Variants in GRM5 observed in about 807,000 individuals in gnomAD.
The protein encoded by GRM5 is metabotropic glutamate receptor 5.
In GRM5, 19 loss-of-function variants were observed where a neutral mutation model predicts 83.1. The ratio of observed to expected loss-of-function variants is 0.23; its 90% CI spans 0.16 to 0.34. The LOEUF is 0.34. Ranked by LOEUF, GRM5 falls within the 10% of genes least tolerant of loss-of-function variation. GRM5 has a pLI of 1.00. For missense variants in GRM5, 1,160 were observed against 1,588.3 expected (o/e 0.73, Z 4.58); for synonymous variants, 675 against 633.6 (o/e 1.07, Z -0.98).
At chr11:89,009,773 C>T (rs1283528855) in intron 2 of GRM5, among the ~76,000 whole-genome samples, 1 of 150,270 alleles carries the variant, frequency 6.7e-6, no homozygotes, top group Admixed American at 6.6e-5. Context: ...TGGTAGCGGG[C>T]GCCTGTAGTC....
chr11:89,029,115 CT>C (rs1941199338), intron 2 of GRM5, among the ~76,000 whole-genome samples: 1 of 152,148 alleles, frequency 6.6e-6, no homozygotes, highest in South Asian at 2.1e-4. Context: ...GTGAACTCAT[CT>C]TTTTTATGCC....
At chr11:88,701,857 G>GCGTGACCTGTAGGGTTA (rs1194485105) in intron 3 of GRM5, among the ~76,000 whole-genome samples, 1 of 152,094 alleles carries the variant, frequency 6.6e-6, no homozygotes, top group African/African-American at 2.4e-5. Context: ...TACTGGGTCA[G>GCGTGACCTGTAGGGTTA]CGTGACCTGT....
chr11:88,890,805 C>G (rs1005517186), intron 2 of GRM5, among the ~76,000 whole-genome samples: 1 of 152,094 alleles, frequency 6.6e-6, no homozygotes, highest in African/African-American at 2.4e-5. Context: ...AAATTGCTTA[C>G]TAACCAGGTT....
chr11:88,913,513 T>C lies in GRM5; in HGVS notation c.662-63358A>G, dbSNP rs1483010730. 2.6e-5 allele frequency among the ~76,000 whole-genome samples: 4 copies of C among 151,872 alleles called. No homozygotes were observed. In the East Asian group the frequency reaches 5.8e-4, roughly 22 times the overall value. On this transcript the variant is annotated intron_variant, in intron 2 of 9. Transcript: ENST00000305447. ...CTCTGTGGTAAAAACTGCATCCCTCTCTGATGAGAATTCCTACTGGTTGGT... is the reference window on the plus strand; with the variant it reads ...CTCTGTGGTAAAAACTGCATCCCTCCCTGATGAGAATTCCTACTGGTTGGT...
intron 2 of GRM5, among the ~76,000 whole-genome samples, chr11:88,910,028 C>T: frequency 6.6e-6 from 1 of 152,162 alleles, no homozygotes. Flanking sequence ...TCCAAAATCA[C>T]TTCACCTCAG....
chr11:88,513,384 G>T (rs930831187), intron 9 of GRM5, among the ~76,000 whole-genome samples: 3 of 152,084 alleles, frequency 2.0e-5, no homozygotes, highest in Admixed American at 6.6e-5. Flanking sequence ...ATACTGAATT[G>T]TTTTCCTGTT....
intron 9 of GRM5, 62 bp downstream of exon 9, chr11:88,525,247 A>G (rs1381097208): frequency 1.1e-5 from 10 of 945,840 alleles, no homozygotes; most frequent in South Asian, 2.8e-5. Flanking sequence ...AGGGAGCCAC[A>G]TGTTCCTCTA....
chr11:88,713,296 A>G (rs1941322932), intron 3 of GRM5, among the ~76,000 whole-genome samples: 1 of 152,102 alleles, frequency 6.6e-6, no homozygotes. Context: ...CAGTGCAGAT[A>G]TAGAGTAAGA....
intron 3 of GRM5, among the ~76,000 whole-genome samples, chr11:88,804,066 G>A (rs1262594867): frequency 2.6e-5 from 4 of 152,058 alleles, no homozygotes; most frequent in Non-Finnish European, 5.9e-5. Context: ...GGAGAAATAG[G>A]AACACTTTTA....
At chr11:88,572,330 A>G (rs12278362) in intron 7 of GRM5, among the ~76,000 whole-genome samples, 8,073 of 152,254 alleles carry the variant, frequency 0.053, 683 homozygotes, top group African/African-American at 0.18. Flanking sequence ...AATATGTCAG[A>G]GAAGATGTAA....
At chr11:88,801,121 G>T (rs139548289) in intron 3 of GRM5, among the ~76,000 whole-genome samples, 1 of 152,088 alleles carries the variant, frequency 6.6e-6, no homozygotes, top group Non-Finnish European at 1.5e-5. Context: ...TTTGAGTGAT[G>T]CATCCACAGA....
chr11:88,906,602 T>C (rs533819352), intron 2 of GRM5, among the ~76,000 whole-genome samples: 41 of 152,308 alleles, frequency 2.7e-4, no homozygotes, highest in Admixed American at 1.9e-3. Flanking sequence ...GGAAAATACA[T>C]ATATGTCAAA....
chr11:88,766,089 A>G (rs1050686369), intron 3 of GRM5, among the ~76,000 whole-genome samples: 17 of 151,980 alleles, frequency 1.1e-4, no homozygotes, highest in Non-Finnish European at 2.2e-4. Context: ...AAAGATGCTC[A>G]TGGATAGGAA....
In GRM5 at chr11:89,060,842, T is replaced by A. The variant is rs182704284; in HGVS notation, c.-201+4934A>T. On this transcript the variant is annotated intron_variant, in intron 1 of 9. Coordinates refer to ENST00000305447, the MANE Select transcript of GRM5 (RefSeq NM_001143831.3). Reference sequence around the variant, plus strand: ...GAAAATTCAAAACTAAAAATTGAAGTTTCTTTTCTTGGGTTATATAAATAC... The same window carrying A: ...GAAAATTCAAAACTAAAAATTGAAGATTCTTTTCTTGGGTTATATAAATAC... 4.6e-5 allele frequency among the ~76,000 whole-genome samples: 7 copies of A among 152,270 alleles called. No individual in the cohort carries two copies. The East Asian group carries it at 1.3e-3, about 29-fold the overall frequency.
At chr11:88,934,936 G>A (rs189112102) in intron 2 of GRM5, among the ~76,000 whole-genome samples, 108 of 151,948 alleles carry the variant, frequency 7.1e-4, no homozygotes, top group African/African-American at 2.4e-3. Flanking sequence ...TAAAGCTTTC[G>A]TGAAGCAACA....
chr11:88,781,433 T>C (rs1403752018), intron 3 of GRM5, among the ~76,000 whole-genome samples: 1 of 152,128 alleles, frequency 6.6e-6, no homozygotes, highest in East Asian at 1.9e-4. Flanking sequence ...TGTTCAAAGA[T>C]ATATTCAGGA....
rs116919540 is a variant in GRM5 at position 88,650,489 on chromosome 11, G to A, written c.1147+2679C>T. Among the ~76,000 whole-genome samples, 1,058 of 151,968 alleles carry A rather than the reference G, an allele frequency of 7.0e-3. 12 individuals are homozygous for A. The highest frequency in any genetic ancestry group is 0.065 in the East Asian group (336 of 5,172). ...CATGAAAAAGCCAATTGAAATCACC[G>A]TATGATAGAACTACACACTCACAGA... On this transcript the variant is annotated intron_variant, in intron 4 of 9. Coordinates refer to ENST00000305447, the MANE Select transcript of GRM5 (RefSeq NM_001143831.3).
At chr11:88,797,470 T>TA (rs1028246322) in intron 3 of GRM5, among the ~76,000 whole-genome samples, 7 of 152,132 alleles carry the variant, frequency 4.6e-5, no homozygotes, top group African/African-American at 1.7e-4. Flanking sequence ...TAAACCCACT[T>TA]AAAAAAATCC....
In GRM5 at chr11:88,541,721, AATTTACAGGATT is replaced by A. The variant is rs1478649711; in HGVS notation, c.2631-16329_2631-16318del. The stretch of plus-strand genomic sequence containing the variant: ...TCGCATAATGGAAGAAATACCATGT[AATTTACAGGATT>A]GATGTTTTATGTAGATTTTAGCATT... On this transcript the variant is annotated intron_variant, in intron 8 of 9. Coordinates refer to ENST00000305447, the MANE Select transcript of GRM5 (RefSeq NM_001143831.3). Among the ~76,000 whole-genome samples, 20 of 132,000 alleles carry A rather than the reference AATTTACAGGATT, an allele frequency of 1.5e-4. 2 individuals carry two copies. Among genetic ancestry groups the A allele is most frequent in the African/African-American group, 5.0e-4 (20 of 40,302 alleles). The allele number at this position is 132,000 out of a possible 152,430, so 86.6% of individuals were successfully genotyped here.
Sources: allele counts gnomAD v4.1 joint callset (sites outside exome capture counted in the v4.1 genomes callset), GRCh38; gene constraint gnomAD v4.1.1; transcripts MANE v1.5; gene names NCBI Gene and HGNC (gene_info 2026-07-23, HGNC 2026-07-21).